ATP2A1: variants seen among roughly 807,000 people sequenced by gnomAD.
ATP2A1 encodes the protein sarcoplasmic/endoplasmic reticulum calcium ATPase 1.
In ATP2A1, 83 loss-of-function variants were observed where a neutral mutation model predicts 109.5. The ratio of observed to expected loss-of-function variants is 0.76; its 90% CI spans 0.63 to 0.91. The LOEUF (loss-of-function observed/expected upper bound fraction) is 0.91, where lower values mean the gene tolerates loss of function less well. ATP2A1 is among the 40% of genes least tolerant of loss of function. The pLI, the probability that ATP2A1 is intolerant of heterozygous loss-of-function variation, is 0.00. For missense variants in ATP2A1, 1,101 were observed against 1,341.0 expected (o/e 0.82, Z 2.80); for synonymous variants, 505 against 537.6 (o/e 0.94, Z 0.84).
chr16:28,903,061 C>G lies in ATP2A1; in HGVS notation c.2776C>G (p.Pro926Ala). The change falls in exon 20 of 23, where the codon CCA becomes GCA. Residue 926 changes from proline (P) to alanine (A), a missense_variant. Pro to Ala is a conservative substitution (Grantham distance 27). Coordinates refer to ENST00000395503, the MANE Select transcript of ATP2A1 (RefSeq NM_004320.6). The surrounding 1 kb of genome is among the most constrained non-coding windows in gnomAD (Gnocchi z 5.6). ...LSENQSLLRMPPWVNIWLLGS... is the reference protein window; with the variant it reads ...LSENQSLLRMAPWVNIWLLGS... ...CGAGAACCAGTCCCTGCTGCGGATG[C>G]CACCCTGGGTGAACATCTGGCTGCT... 6.2e-7 allele frequency: 1 copy of G among 1,613,838 alleles called. No individual in the cohort carries two copies. The highest frequency in any genetic ancestry group is 8.5e-7 in the Non-Finnish European group (1 of 1,179,986).
Position 28,903,146 on chromosome 16 carries a change from C to A in ATP2A1, c.2861C>A (p.Pro954Gln). 1 of 1,613,484 alleles carries A rather than the reference C, an allele frequency of 6.2e-7. No individual in the cohort carries two copies. Among genetic ancestry groups the A allele is most frequent in the Non-Finnish European group, 8.5e-7 (1 of 1,179,840 alleles). Residue 954 changes from proline (P) to glutamine (Q), a missense_variant and splice_region_variant, in exon 20 of 23, where the codon CCG becomes CAG. Transcript: ENST00000395503. This position sits in a 1 kb window ranked among gnomAD's most constrained non-coding sequence, Gnocchi z 5.6. ...HFLILYVDPL[P>Q]MIFKLRALDL... ...CTCATCCTCTATGTTGACCCCCTGCCGGTGAGGTTTCTTCCGCCCAGGGCC... is the reference window on the plus strand; with the variant it reads ...CTCATCCTCTATGTTGACCCCCTGCAGGTGAGGTTTCTTCCGCCCAGGGCC...
chr16:28,904,423 C>T lies in ATP2A1; in HGVS notation c.*281C>T, dbSNP rs1410459660. 7.8e-6 allele frequency: 12 copies of T among 1,532,764 alleles called. No individual in the cohort carries two copies. Among genetic ancestry groups the T allele is most frequent in the African/African-American group, 4.1e-5 (3 of 72,970 alleles). 94.9% of individuals were successfully genotyped at this position (1,532,764 alleles called of 1,614,324 possible). A position where few individuals can be genotyped will look rare whatever the true frequency, so the allele number is the denominator to read the frequency against. ...CTTGCAGGGACAAGGCGACCGACTG[C>T]GCTGAGCTGCTTATTTATTGAAAAT... On this transcript the variant is annotated 3_prime_UTR_variant, in exon 23 of 23. Transcript: ENST00000395503.
At chr16:28,901,708 A>C (rs986886496) in intron 15 of ATP2A1, among the ~76,000 whole-genome samples, 155 bp from the exon 16 acceptor site, 1 of 151,856 alleles carries the variant, frequency 6.6e-6, no homozygotes, top group African/African-American at 2.4e-5. Context: ...TGTAATCCCA[A>C]CACTTTGGGA....
At position 28,886,012 on chromosome 16, in the gene ATP2A1, A is replaced by T. The variant is rs191672948; in HGVS notation, c.545-1177A>T. ...GAGACCCCATCTCTATAAAAAAAAA[A>T]TTTTTTTAACTAGCTGGGTGTGGTG... On this transcript the variant is annotated intron_variant, in intron 6 of 22. Transcript: ENST00000395503. Among the ~76,000 whole-genome samples, 1,172 of 151,504 alleles carry T rather than the reference A, an allele frequency of 7.7e-3. 10 individuals are homozygous for T. Among genetic ancestry groups the T allele is most frequent in the African/African-American group, 0.022 (918 of 41,294 alleles).
At position 28,901,881 on chromosome 16, in the gene ATP2A1, G is replaced by GACC. The variant is rs1406522735; in HGVS notation, c.2121_2122insCAC (p.Asp707_Ala708insHis). 6.2e-7 allele frequency: 1 copy of GACC among 1,613,956 alleles called. No homozygotes were observed. The highest frequency in any genetic ancestry group is 8.5e-7 in the Non-Finnish European group (1 of 1,179,980). On this transcript the variant is annotated inframe_insertion, in exon 16 of 23. Coordinates refer to ENST00000395503, the MANE Select transcript of ATP2A1 (RefSeq NM_004320.6). Reference sequence around the variant, plus strand: ...CCCTCAGACAGGTGATGGCGTCAATGACGCCCCTGCCCTGAAGAAGGCTGA... The same window carrying GACC: ...CCCTCAGACAGGTGATGGCGTCAATGACCACGCCCCTGCCCTGAAGAAGGCTGA...
At chr16:28,901,822 GT>G (rs765201866) in intron 15 of ATP2A1, 40 bp from the exon 16 acceptor site, 5 of 1,544,230 alleles carry the variant, frequency 3.2e-6, no homozygotes, top group Non-Finnish European at 4.5e-6. Context: ...AAGGAGGGAT[GT>G]GTGAAGGTGC....
chr16:28,887,067 C>A, intron 6 of ATP2A1, 122 bp from the exon 7 acceptor site: 1 of 961,298 alleles, frequency 1.0e-6, no homozygotes, highest in Non-Finnish European at 1.7e-6. Context: ...CCAGACATCC[C>A]CCAGGATGGC....
At chr16:28,899,901 G>A (rs1328189324) in intron 14 of ATP2A1, among the ~76,000 whole-genome samples, 1 of 151,494 alleles carries the variant, frequency 6.6e-6, no homozygotes, top group East Asian at 1.9e-4. Flanking sequence ...GGAGGTTGCA[G>A]TGAGCTGAGA....
At position 28,878,545 on chromosome 16, in the gene ATP2A1, AG is replaced by A. The variant is rs1963340263; in HGVS notation, c.-122del. On this transcript the variant is annotated 5_prime_UTR_variant, in exon 1 of 23. Coordinates refer to ENST00000395503, the MANE Select transcript of ATP2A1 (RefSeq NM_004320.6). ...CTTTGTGGAGGGAAGAAAAACCTGG[AG>A]GGGGCAGGAGAGTAAAAAGAAGAAA... 3 of 837,732 alleles carry A rather than the reference AG, an allele frequency of 3.6e-6. No homozygotes were observed. The highest frequency in any genetic ancestry group is 5.9e-6 in the Non-Finnish European group (3 of 508,016). The allele number at this position is 837,732 out of a possible 1,614,324, so 51.9% of individuals were successfully genotyped here.
Position 28,903,516 on chromosome 16 carries a change from C to T in ATP2A1, c.2980+76C>T. On this transcript the variant is annotated intron_variant, in intron 21 of 22. Coordinates refer to ENST00000395503, the MANE Select transcript of ATP2A1 (RefSeq NM_004320.6). This position sits in a 1 kb window ranked among gnomAD's most constrained non-coding sequence, Gnocchi z 5.6. ...CCCATGACGCCGCCCCCGCCCCGCC[C>T]CGTACTTTGCAGGTGGTAAGTTTCT... The T allele has an allele frequency of 7.1e-7, 1 of 1,401,886 alleles. No individual in the cohort carries two copies. Among genetic ancestry groups the T allele is most frequent in the South Asian group, 1.2e-5 (1 of 86,782 alleles). The allele number at this position is 1,401,886 out of a possible 1,614,324, so 86.8% of individuals were successfully genotyped here.
At chr16:28,891,267 G>A (rs1025977111) in intron 9 of ATP2A1, among the ~76,000 whole-genome samples, 1 of 151,202 alleles carries the variant, frequency 6.6e-6, no homozygotes, top group Non-Finnish European at 1.5e-5. Context: ...TTGCACCCCA[G>A]CCTAGGCGAC....
intron 22 of ATP2A1, 141 bp from the exon 23 acceptor site, chr16:28,904,039 G>A: frequency 2.4e-6 from 2 of 833,086 alleles, no homozygotes; most frequent in African/African-American, 1.7e-5. Flanking sequence ...GGGGTGTCTG[G>A]GGACGCAGGT....
At chr16:28,895,063 AC>A in intron 12 of ATP2A1, 110 bp downstream of exon 12, 1 of 1,494,702 alleles carries the variant, frequency 6.7e-7, no homozygotes, top group Non-Finnish European at 9.1e-7. Context: ...CTGGGACCCC[AC>A]CCAGGCAGCA....
chr16:28,889,105 C>A, intron 9 of ATP2A1, 152 bp downstream of exon 9: 1 of 1,168,644 alleles, frequency 8.6e-7, no homozygotes, highest in Non-Finnish European at 1.2e-6. Flanking sequence ...ATCCTGTCTG[C>A]CATGAACGGG....
In ATP2A1 at chr16:28,882,485, A is replaced by T; in HGVS notation, c.359A>T (p.Lys120Met). 6.2e-7 allele frequency: 1 copy of T among 1,614,200 alleles called. No individual in the cohort carries two copies. The highest frequency in any genetic ancestry group is 8.5e-7 in the Non-Finnish European group (1 of 1,180,030). ...RNAENAIEAL[K>M]EYEPEMGKVY... is the part of the protein sequence containing the mutation. ...GCAGAGAACGCCATCGAGGCCCTGA[A>T]GGAGTATGAGCCAGAGATGGGGAAG... is the stretch of plus-strand genomic sequence containing the variant. The change falls in exon 5 of 23, where the codon AAG (lysine) becomes ATG (methionine). Residue 120 changes from lysine (K) to methionine (M), a missense_variant. Transcript: ENST00000395503.
intron 15 of ATP2A1, among the ~76,000 whole-genome samples, chr16:28,901,547 T>A (rs949176430): frequency 5.9e-5 from 9 of 152,044 alleles, no homozygotes; most frequent in African/African-American, 2.2e-4. Flanking sequence ...ACAGAAGAAC[T>A]GCTTGAACCT....
Position 28,902,147 on chromosome 16 carries a change from G to A in ATP2A1, c.2322-37G>A. On this transcript the variant is annotated intron_variant, in intron 16 of 22. Transcript: ENST00000395503. This position sits in a 1 kb window ranked among gnomAD's most constrained non-coding sequence, Gnocchi z 4.8. ...TAGGGTGGGGTGGCTGCAGGTCTGG[G>A]AGGCAGGACAGAGGTGTGACCACCT... is the stretch of plus-strand genomic sequence containing the variant. 2 of 1,613,982 alleles carry A rather than the reference G, an allele frequency of 1.2e-6. No individual in the cohort carries two copies. Among genetic ancestry groups the A allele is most frequent in the South Asian group, 2.2e-5 (2 of 91,078 alleles).
chr16:28,883,427 C>T lies in ATP2A1; in HGVS notation c.463+838C>T, dbSNP rs567058245. ...GCCATGAATGTCTATAAATATCACG[C>T]GGGCTTGGGTGACAGGGTGTCCCGC... is the stretch of plus-strand genomic sequence containing the variant. On this transcript the variant is annotated intron_variant, in intron 5 of 22. Transcript: ENST00000395503. This position sits in a 1 kb window ranked among gnomAD's most constrained non-coding sequence, Gnocchi z 5.2. Among the ~76,000 whole-genome samples, 5 of 152,272 alleles carry T rather than the reference C, an allele frequency of 3.3e-5. No homozygotes were observed. Among genetic ancestry groups the T allele is most frequent in the Admixed American group, 2.6e-4 (4 of 15,298 alleles).
At position 28,898,317 on chromosome 16, in the gene ATP2A1, A is replaced by G. The variant is rs749653301; in HGVS notation, c.1630A>G (p.Lys544Glu). The change falls in exon 14 of 23, where the codon AAG (lysine) becomes GAG (glutamate). Residue 544 changes from lysine to glutamate, a missense_variant. Coordinates refer to ENST00000395503, the MANE Select transcript of ATP2A1 (RefSeq NM_004320.6). This position sits in a 1 kb window ranked among gnomAD's most constrained non-coding sequence, Gnocchi z 4.0. Reference protein sequence around the residue: ...RVPLTGPVKEKIMAVIKEWGT... With the variant: ...RVPLTGPVKEEIMAVIKEWGT... ...GCCACTGACGGGGCCGGTGAAGGAA[A>G]AGATCATGGCGGTGATCAAGGAGTG... The G allele has an allele frequency of 1.2e-6, 2 of 1,614,202 alleles. No individual in the cohort carries two copies. Among genetic ancestry groups the G allele is most frequent in the Non-Finnish European group, 1.7e-6 (2 of 1,180,032 alleles).
Sources: gnomAD v4.1 joint callset for allele counts (sites outside exome capture counted in the v4.1 genomes callset) on GRCh38, gnomAD v4.1.1 for gene constraint, Gnocchi (gnomAD v3.1) non-coding constraint, MANE v1.5 for transcripts, NCBI Gene and HGNC (gene_info 2026-07-23, HGNC 2026-07-21) for gene names.